Variants in NELL1 observed in about 807,000 individuals in gnomAD.
NELL1 encodes neural EGFL like 1.
NELL1 carries 76 observed loss-of-function variants against 107.4 expected under a neutral mutation model. The observed-to-expected ratio is 0.71, with a 90% CI of 0.59 to 0.86. The LOEUF (loss-of-function observed/expected upper bound fraction) is 0.86. Ranked by LOEUF, NELL1 falls within the 40% of genes least tolerant of loss-of-function variation. The pLI is 0.00. For missense variants in NELL1, 1,024 were observed against 1,005.5 expected (o/e 1.02, Z -0.25); for synonymous variants, 353 against 341.2 (o/e 1.03, Z -0.38).
chr11:21,325,373 T>C (rs116990664), intron 14 of NELL1, among the ~76,000 whole-genome samples: 1,649 of 152,196 alleles, frequency 0.011, 18 homozygotes, highest in Non-Finnish European at 0.018. Flanking sequence ...TTCCTCTAAA[T>C]AGATCATTGG....
At chr11:20,911,142 T>C (rs1190776818) in intron 5 of NELL1, among the ~76,000 whole-genome samples, 2 of 152,208 alleles carry the variant, frequency 1.3e-5, no homozygotes, top group African/African-American at 4.8e-5. Context: ...TCTGTAGATA[T>C]AAAGAACTTT....
intron 15 of NELL1, among the ~76,000 whole-genome samples, chr11:21,433,223 G>T (rs540713028): frequency 2.6e-5 from 4 of 152,182 alleles, no homozygotes; most frequent in African/African-American, 9.6e-5. Context: ...CATTGTTATG[G>T]CTAAATAGTA....
intron 12 of NELL1, among the ~76,000 whole-genome samples, chr11:21,071,945 CAAT>C (rs1260617874): frequency 2.0e-5 from 3 of 152,124 alleles, no homozygotes; most frequent in Non-Finnish European, 4.4e-5. Flanking sequence ...TGTCTCACAA[CAAT>C]GATCAGGGTC....
chr11:21,051,155 T>G (rs1853483924), intron 12 of NELL1, among the ~76,000 whole-genome samples: 1 of 152,018 alleles, frequency 6.6e-6, no homozygotes, highest in Non-Finnish European at 1.5e-5. Context: ...AATCAACTAG[T>G]AGATAAAGAA....
rs79473054 is a variant in NELL1 at position 21,014,682 on chromosome 11, A to G, written c.1300+54122A>G. Among the ~76,000 whole-genome samples, 1,011 of 152,238 alleles carry G rather than the reference A, an allele frequency of 6.6e-3. 8 individuals carry two copies. Among genetic ancestry groups the G allele is most frequent in the African/African-American group, 0.023 (967 of 41,566 alleles). On this transcript the variant is annotated intron_variant, in intron 12 of 19. Transcript: ENST00000357134. ...ACACTATGTTTTATACATATTTGTAAACCCAGTGTCTAACATGGTGCTATG... is the reference window on the plus strand; with the variant it reads ...ACACTATGTTTTATACATATTTGTAGACCCAGTGTCTAACATGGTGCTATG...
intron 13 of NELL1, among the ~76,000 whole-genome samples, chr11:21,155,868 A>G (rs1328313968): frequency 3.3e-5 from 5 of 152,178 alleles, no homozygotes; most frequent in Non-Finnish European, 7.3e-5. Context: ...ACTTGAGAAT[A>G]CCTTTAGGTG....
chr11:21,144,425 C>G (rs992681400), intron 13 of NELL1, among the ~76,000 whole-genome samples: 1 of 152,148 alleles, frequency 6.6e-6, no homozygotes, highest in African/African-American at 2.4e-5. Flanking sequence ...GTGTTGGAGG[C>G]TAAACCTGGA....
intron 16 of NELL1, among the ~76,000 whole-genome samples, chr11:21,545,973 G>C (rs1166555766): frequency 6.6e-6 from 1 of 151,954 alleles, no homozygotes; most frequent in Non-Finnish European, 1.5e-5. Context: ...GAAGCTCACT[G>C]AATTTTGAAA....
At chr11:21,452,975 T>A (rs1853625112) in intron 15 of NELL1, among the ~76,000 whole-genome samples, 1 of 151,976 alleles carries the variant, frequency 6.6e-6, no homozygotes. Context: ...ATATTCCAGT[T>A]ATAGTTCTAT....
intron 14 of NELL1, among the ~76,000 whole-genome samples, chr11:21,271,316 T>A (rs1848735042): frequency 6.6e-6 from 1 of 152,118 alleles, no homozygotes. Flanking sequence ...ATCACTGTAG[T>A]CTCATGGACA....
At chr11:20,681,869 G>A (rs983402936) in intron 2 of NELL1, among the ~76,000 whole-genome samples, 8 of 151,952 alleles carry the variant, frequency 5.3e-5, no homozygotes, top group Non-Finnish European at 7.4e-5. Context: ...GTCCAAGGTC[G>A]ACTTCTGTTG....
intron 14 of NELL1, among the ~76,000 whole-genome samples, chr11:21,346,695 T>C (rs1488755749): frequency 2.0e-5 from 3 of 149,118 alleles, no homozygotes; most frequent in East Asian, 3.9e-4. Flanking sequence ...ATATATGATA[T>C]ATAATGTGTG....
intron 15 of NELL1, among the ~76,000 whole-genome samples, chr11:21,399,933 G>T (rs1210003904): frequency 2.6e-5 from 4 of 151,812 alleles, no homozygotes; most frequent in African/African-American, 9.7e-5. Flanking sequence ...TGGGAAAGTC[G>T]ATTTTTCCTC....
chr11:21,525,295 C>G (rs1855822594), intron 15 of NELL1, among the ~76,000 whole-genome samples: 1 of 152,078 alleles, frequency 6.6e-6, no homozygotes, highest in Non-Finnish European at 1.5e-5. Context: ...GATTAATACA[C>G]AAAAACTAGT....
At chr11:21,387,595 G>T (rs542208547) in intron 15 of NELL1, among the ~76,000 whole-genome samples, 1 of 151,850 alleles carries the variant, frequency 6.6e-6, no homozygotes, top group African/African-American at 2.4e-5. Flanking sequence ...ACAGCTCTTT[G>T]TGCCTCAAAG....
At chr11:21,030,325 G>C (rs1355313369) in intron 12 of NELL1, among the ~76,000 whole-genome samples, 2 of 152,180 alleles carry the variant, frequency 1.3e-5, no homozygotes, top group African/African-American at 2.4e-5. Flanking sequence ...TGGGTAGTTT[G>C]CACTTTTTGA....
chr11:20,733,082 T>C (rs1170901368), intron 2 of NELL1, among the ~76,000 whole-genome samples: 1 of 152,130 alleles, frequency 6.6e-6, no homozygotes, highest in African/African-American at 2.4e-5. Flanking sequence ...CTAAATGAAA[T>C]AATGTAAATC....
At chr11:20,729,328 C>A (rs933958277) in intron 2 of NELL1, among the ~76,000 whole-genome samples, 4 of 152,094 alleles carry the variant, frequency 2.6e-5, no homozygotes, top group African/African-American at 9.7e-5. Context: ...CTCTAGCTAG[C>A]ACTTCCAATA....
At chr11:21,570,410 A>G (rs1485283954) in intron 17 of NELL1, among the ~76,000 whole-genome samples, 1 of 151,880 alleles carries the variant, frequency 6.6e-6, no homozygotes, top group East Asian at 1.9e-4. Flanking sequence ...ATGGAAATAC[A>G]GGAGCATGAT....
Sources: allele counts gnomAD v4.1 joint callset (sites outside exome capture counted in the v4.1 genomes callset), GRCh38; gene constraint gnomAD v4.1.1; transcripts MANE v1.5; gene names NCBI Gene and HGNC (gene_info 2026-07-23, HGNC 2026-07-21).